Variants in PPARD observed in about 807,000 individuals in gnomAD.
PPARD encodes peroxisome proliferator activated receptor delta, also known as peroxisome proliferator-activated receptor delta.
A neutral mutation model predicts 39.5 loss-of-function variants in PPARD; 6 were observed. The observed-to-expected ratio is 0.15, with a 90% CI of 0.08 to 0.30. PPARD has a LOEUF of 0.30. Ranked by LOEUF, PPARD falls within the 10% of genes least tolerant of loss-of-function variation. PPARD has a pLI of 1.00. For missense variants in PPARD, 397 were observed against 596.8 expected, an observed-to-expected ratio of 0.67 and a Z score of 3.49; for synonymous variants, 210 against 231.3, an observed-to-expected ratio of 0.91 and a Z score of 0.83.
intron 1 of PPARD, among the ~76,000 whole-genome samples, chr6:35,344,765 C>G (rs527415263): frequency 6.6e-6 from 1 of 152,234 alleles, no homozygotes; most frequent in African/African-American, 2.4e-5. Context: ...CCAGCTTGAC[C>G]AGACTTTAAA....
rs566687504 is a variant in PPARD, at chr6:35,417,356, C to T, written c.131-2771C>T. 2.0e-4 allele frequency among the ~76,000 whole-genome samples: 30 copies of T among 152,094 alleles called. 1 individual carries two copies. The South Asian group carries it at 6.0e-3, about 31-fold the overall frequency. Reference sequence around the variant, plus strand: ...TTGCTTTATCACCCAGGCTGGTATACGATGGCACAATCACAGCTCTCCTAG... The same window carrying T: ...TTGCTTTATCACCCAGGCTGGTATATGATGGCACAATCACAGCTCTCCTAG... On this transcript the variant is annotated intron_variant, in intron 3 of 7. Transcript: ENST00000360694.
At chr6:35,353,012 T>C (rs544506889) in intron 2 of PPARD, among the ~76,000 whole-genome samples, 1 of 152,304 alleles carries the variant, frequency 6.6e-6, no homozygotes, top group African/African-American at 2.4e-5. Context: ...ACAGGCCTCC[T>C]TGGAGACCAG....
At chr6:35,418,170 C>T (rs1765899591) in intron 3 of PPARD, among the ~76,000 whole-genome samples, 1 of 152,234 alleles carries the variant, frequency 6.6e-6, no homozygotes, top group Non-Finnish European at 1.5e-5. Flanking sequence ...GACAAAATTA[C>T]AAGAAATGCC....
At chr6:35,420,554 G>T (rs1766081898) in intron 4 of PPARD, among the ~76,000 whole-genome samples, 1 of 152,198 alleles carries the variant, frequency 6.6e-6, no homozygotes, top group Non-Finnish European at 1.5e-5. Context: ...GGCAGCTAGG[G>T]CAGAATGAGG....
At chr6:35,418,876 G>A (rs1765955215) in intron 3 of PPARD, among the ~76,000 whole-genome samples, 1 of 152,176 alleles carries the variant, frequency 6.6e-6, no homozygotes, top group African/African-American at 2.4e-5. Context: ...CCCTCCTGTG[G>A]TCAGGATAGG....
intron 2 of PPARD, among the ~76,000 whole-genome samples, chr6:35,361,035 A>G (rs1038860839): frequency 1.3e-5 from 2 of 152,178 alleles, no homozygotes; most frequent in Non-Finnish European, 2.9e-5. Context: ...AGACAGAGAA[A>G]CAGCCACACT....
At chr6:35,420,911 C>G (rs1766116349) in intron 4 of PPARD, among the ~76,000 whole-genome samples, 1 of 149,082 alleles carries the variant, frequency 6.7e-6, no homozygotes, top group African/African-American at 2.5e-5. Flanking sequence ...ACTGCAACCT[C>G]CACCTCCCGG....
At chr6:35,389,638 T>C (rs1763898061) in intron 2 of PPARD, among the ~76,000 whole-genome samples, 1 of 152,172 alleles carries the variant, frequency 6.6e-6, no homozygotes, top group South Asian at 2.1e-4. Flanking sequence ...TGGTGGTATA[T>C]AAATGTAGGA....
rs9470014 is a variant in PPARD, at chr6:35,397,217, A to G, written c.-101-13770A>G. ...TGGGTCTGACCTAGGACTCTGAGTC[A>G]GGGAGGCCTCCCTCCACTGAGTAAT... is the stretch of plus-strand genomic sequence containing the variant. On this transcript the variant is annotated intron_variant, in intron 2 of 7. Coordinates refer to ENST00000360694, the MANE Select transcript of PPARD (RefSeq NM_006238.5). Among the ~76,000 whole-genome samples, 392 of 131,998 alleles carry G rather than the reference A, an allele frequency of 3.0e-3. 1 individual carries two copies. The highest frequency in any genetic ancestry group is 0.011 in the African/African-American group (373 of 33,784). 86.6% of individuals were successfully genotyped at this position (131,998 alleles called of 152,430 possible).
chr6:35,345,639 A>G (rs1223660998), intron 1 of PPARD, among the ~76,000 whole-genome samples: 2 of 152,034 alleles, frequency 1.3e-5, no homozygotes, highest in Non-Finnish European at 2.9e-5. Flanking sequence ...TTCAGGAAGA[A>G]TTGCTCCTAC....
chr6:35,397,418 A>G (rs1455572992), intron 2 of PPARD: 1 of 466,430 alleles, frequency 2.1e-6, no homozygotes, highest in African/African-American at 2.1e-5. Flanking sequence ...AGACGCTGCT[A>G]GGCCCCTCAG....
chr6:35,390,271 A>G (rs1365399987), intron 2 of PPARD, among the ~76,000 whole-genome samples: 1 of 152,176 alleles, frequency 6.6e-6, no homozygotes, highest in Non-Finnish European at 1.5e-5. Flanking sequence ...TCCATCACAC[A>G]GTTTGTATAC....
intron 2 of PPARD, among the ~76,000 whole-genome samples, chr6:35,350,135 G>A (rs1344591322): frequency 1.4e-4 from 21 of 152,080 alleles, no homozygotes; most frequent in Non-Finnish European, 1.5e-5. Context: ...GTTTGAGCTC[G>A]TTATATATTC....
intron 4 of PPARD, among the ~76,000 whole-genome samples, chr6:35,420,818 G>GTTTTTT (rs770642690): frequency 2.1e-5 from 1 of 48,678 alleles, no homozygotes; most frequent in African/African-American, 6.3e-5. Flanking sequence ...TAACAAAGAA[G>GTTTTTT]CTTTTTTTTT....
chr6:35,377,446 C>G (rs1762872693), intron 2 of PPARD, among the ~76,000 whole-genome samples: 1 of 152,204 alleles, frequency 6.6e-6, no homozygotes, highest in Non-Finnish European at 1.5e-5. Context: ...CATTCTACCT[C>G]TCCTGCATAA....
chr6:35,380,665 A>AT (rs1763108789), intron 2 of PPARD, among the ~76,000 whole-genome samples: 1 of 150,338 alleles, frequency 6.7e-6, no homozygotes, highest in African/African-American at 2.4e-5. Context: ...TAATTTTTAA[A>AT]TTTTTTCGTA....
At chr6:35,349,165 A>G (rs541485617) in intron 2 of PPARD, among the ~76,000 whole-genome samples, 62 of 152,064 alleles carry the variant, frequency 4.1e-4, no homozygotes, top group African/African-American at 1.5e-3. Context: ...AGCTGGGACT[A>G]CAGGCGCCCG....
At chr6:35,354,809 A>G (rs1761477821) in intron 2 of PPARD, among the ~76,000 whole-genome samples, 1 of 152,200 alleles carries the variant, frequency 6.6e-6, no homozygotes, top group Non-Finnish European at 1.5e-5. Context: ...CGTTTTCAAC[A>G]TATGATGGGT....
intron 2 of PPARD, among the ~76,000 whole-genome samples, chr6:35,357,337 C>T (rs925897657): frequency 6.6e-6 from 1 of 152,186 alleles, no homozygotes; most frequent in African/African-American, 2.4e-5. Context: ...TTGCAGCCCC[C>T]TCTCCTGTGT....
Sources: allele counts gnomAD v4.1 joint callset (sites outside exome capture counted in the v4.1 genomes callset), GRCh38; gene constraint gnomAD v4.1.1; transcripts MANE v1.5; gene names NCBI Gene and HGNC (gene_info 2026-07-23, HGNC 2026-07-21).